Variants in PKIB observed in about 807,000 individuals in gnomAD.
PKIB encodes the protein PKI-beta.
In PKIB, 2 loss-of-function variants were observed where a neutral mutation model predicts 4.5. The observed-to-expected ratio is 0.44, with a 90% CI of 0.18 to 1.39. The LOEUF (loss-of-function observed/expected upper bound fraction) is 1.39, where lower values mean the gene tolerates loss of function less well. PKIB is among the 40% of genes most tolerant of loss of function. The probability of loss-of-function intolerance (pLI) is 0.27; values close to 1 mark genes in which losing one functional copy is unlikely to be tolerated. For missense variants in PKIB, 94 were observed against 92.6 expected, an observed-to-expected ratio of 1.02 and a Z score of -0.06; for synonymous variants, 38 against 36.0, an observed-to-expected ratio of 1.06 and a Z score of -0.20.
At chr6:122,674,727 C>T (rs1447951682) in intron 2 of PKIB, among the ~76,000 whole-genome samples, 6 of 152,098 alleles carry the variant, frequency 3.9e-5, no homozygotes, top group Non-Finnish European at 8.8e-5. Flanking sequence ...TATTGTCCTA[C>T]AATCATTTTT....
chr6:122,703,280 T>A (rs559559670), intron 3 of PKIB, among the ~76,000 whole-genome samples: 18 of 152,312 alleles, frequency 1.2e-4, no homozygotes, highest in East Asian at 1.2e-3. Flanking sequence ...GAGGGTTTTT[T>A]AATTTTTTAT....
chr6:122,489,530 G>A (rs1055594508), intron 2 of PKIB, among the ~76,000 whole-genome samples: 1 of 152,234 alleles, frequency 6.6e-6, no homozygotes, highest in Non-Finnish European at 1.5e-5. Flanking sequence ...TTACAGGCAT[G>A]AGCCTGGCCA....
intron 3 of PKIB, among the ~76,000 whole-genome samples, chr6:122,596,862 G>A (rs1392938261): frequency 1.3e-5 from 2 of 152,180 alleles, no homozygotes; most frequent in Non-Finnish European, 2.9e-5. Context: ...GCCTTCTCCT[G>A]TTCTGGACCC....
chr6:122,606,653 T>G (rs1008355436), upstream of PKIB, among the ~76,000 whole-genome samples: 6 of 152,064 alleles, frequency 3.9e-5, no homozygotes, highest in African/African-American at 9.7e-5. Flanking sequence ...GCCAACACTT[T>G]GACTTCAGAC....
intron 3 of PKIB, among the ~76,000 whole-genome samples, chr6:122,706,113 C>G (rs573614897): frequency 7.2e-5 from 11 of 152,260 alleles, no homozygotes; most frequent in African/African-American, 2.4e-4. Flanking sequence ...ATTTCTCTGG[C>G]TTAGTAAGCC....
intron 2 of PKIB, among the ~76,000 whole-genome samples, chr6:122,574,402 G>GA: frequency 6.6e-6 from 1 of 151,898 alleles, no homozygotes. Context: ...CACAGAACTA[G>GA]AAAAAACAAT....
At chr6:122,582,761 G>A (rs1157243573) in intron 2 of PKIB, among the ~76,000 whole-genome samples, 1 of 152,032 alleles carries the variant, frequency 6.6e-6, no homozygotes, top group African/African-American at 2.4e-5. Context: ...TTTAAGTACA[G>A]ACTGTAATAG....
chr6:122,505,868 A>G (rs1776380574), intron 2 of PKIB, among the ~76,000 whole-genome samples: 1 of 152,076 alleles, frequency 6.6e-6, no homozygotes, highest in Non-Finnish European at 1.5e-5. Context: ...ATATAAGATT[A>G]TTTATTTGAT....
intron 2 of PKIB, among the ~76,000 whole-genome samples, chr6:122,545,081 C>T (rs12198012): frequency 1.3e-5 from 2 of 151,822 alleles, no homozygotes; most frequent in Non-Finnish European, 2.9e-5. Flanking sequence ...AACAGTCTGG[C>T]GATTTCTCAA....
intron 3 of PKIB, among the ~76,000 whole-genome samples, chr6:122,705,603 G>A (rs889657399): frequency 8.6e-5 from 11 of 127,758 alleles, no homozygotes; most frequent in African/African-American, 1.5e-4. Context: ...GTCTTGCTCT[G>A]TGGCTACACT....
At chr6:122,569,553 C>T (rs1056478361) in intron 2 of PKIB, among the ~76,000 whole-genome samples, 1 of 152,202 alleles carries the variant, frequency 6.6e-6, no homozygotes, top group African/African-American at 2.4e-5. Context: ...AGCCTATCAA[C>T]CAAGGAATCT....
At chr6:122,632,726 A>G (rs1396210930) in intron 1 of PKIB, among the ~76,000 whole-genome samples, 1 of 152,200 alleles carries the variant, frequency 6.6e-6, no homozygotes, top group Non-Finnish European at 1.5e-5. Flanking sequence ...TCCAATCACT[A>G]GATCTTGTGA....
At chr6:122,546,789 G>A (rs888468178) in intron 2 of PKIB, among the ~76,000 whole-genome samples, 10 of 151,984 alleles carry the variant, frequency 6.6e-5, no homozygotes, top group Non-Finnish European at 1.5e-5. Flanking sequence ...TGAATTGAAT[G>A]CTAAATATGC....
Position 122,671,153 on chromosome 6 carries a change from G to A in PKIB, c.-75-3925G>A, listed in dbSNP as rs573946553. On this transcript the variant is annotated intron_variant, in intron 2 of 4. Transcript: ENST00000368452. ...CTAAAAATACAAAAATTAGCTGGGT[G>A]TGGTGGTGGGCACCTGTAATCCCAG... is the stretch of plus-strand genomic sequence containing the variant. 2.4e-3 allele frequency among the ~76,000 whole-genome samples: 369 copies of A among 152,130 alleles called. 1 individual carries two copies. Among genetic ancestry groups the A allele is most frequent in the African/African-American group, 8.2e-3 (340 of 41,492 alleles).
intron 2 of PKIB, among the ~76,000 whole-genome samples, chr6:122,562,657 A>G (rs974288475): frequency 1.3e-5 from 2 of 152,020 alleles, no homozygotes; most frequent in Admixed American, 6.6e-5. Context: ...ATATTTTCTT[A>G]TTCTTTTTTC....
At chr6:122,701,601 A>G in intron 3 of PKIB, 2 of 1,388,466 alleles carry the variant, frequency 1.4e-6, no homozygotes, top group Non-Finnish European at 2.0e-6. Flanking sequence ...GCCCATCAGC[A>G]GTTAGCAGTT....
rs114613747 is a variant in PKIB at position 122,562,490 on chromosome 6, G to T, written c.-247-23431G>T. Among the ~76,000 whole-genome samples, 625 of 152,170 alleles carry T rather than the reference G, an allele frequency of 4.1e-3. 6 individuals are homozygous for T. Among genetic ancestry groups the T allele is most frequent in the African/African-American group, 0.014 (592 of 41,542 alleles). ...GGTGTTCCTTGTGCTTTTCGTATTT[G>T]GATGTCTAGGTCTCTAGCAAGGCTG... On this transcript the variant is annotated intron_variant, in intron 2 of 6. Transcript: ENST00000392491.
chr6:122,653,643 GAA>G (rs71541210), intron 2 of PKIB, among the ~76,000 whole-genome samples: 28 of 140,898 alleles, frequency 2.0e-4, no homozygotes, highest in African/African-American at 3.1e-4. Context: ...GGGATTATTT[GAA>G]AAAAAAAAAA....
chr6:122,488,499 T>G (rs1775836466), intron 2 of PKIB, among the ~76,000 whole-genome samples: 1 of 152,062 alleles, frequency 6.6e-6, no homozygotes, highest in South Asian at 2.1e-4. Flanking sequence ...GGTACCATCA[T>G]GGTTCACTGC....
Sources: allele counts gnomAD v4.1 joint callset (sites outside exome capture counted in the v4.1 genomes callset), GRCh38; gene constraint gnomAD v4.1.1; transcripts MANE v1.5; gene names NCBI Gene and HGNC (gene_info 2026-07-23, HGNC 2026-07-21).